The following SCAMP3 variants were observed in gnomAD, a reference collection of about 807,000 sequenced individuals.
SCAMP3 encodes the protein secretory carrier membrane protein 3, also known as secretory carrier-associated membrane protein 3.
In SCAMP3, 30 loss-of-function variants were observed where a neutral mutation model predicts 44.1. The ratio of observed to expected loss-of-function variants is 0.68; its 90% CI spans 0.51 to 0.92. The LOEUF (loss-of-function observed/expected upper bound fraction) is 0.92, where lower values mean the gene tolerates loss of function less well. SCAMP3 is among the 40% of genes least tolerant of loss of function. The pLI, the probability that SCAMP3 is intolerant of heterozygous loss-of-function variation, is 0.00. For missense variants in SCAMP3, 394 were observed against 440.0 expected, an observed-to-expected ratio of 0.90 and a Z score of 0.93; for synonymous variants, 168 against 171.1, an observed-to-expected ratio of 0.98 and a Z score of 0.14.
chr1:155,258,647 A>G, intron 5 of SCAMP3, 179 bp downstream of exon 5: 2 of 623,134 alleles, frequency 3.2e-6, no homozygotes, highest in Non-Finnish European at 5.6e-6. Context: ...AAAGACATCT[A>G]AAGAATTCAA....
intron 1 of SCAMP3, 24 bp downstream of exon 1, chr1:155,262,062 A>G (rs968723598): frequency 6.2e-7 from 1 of 1,612,034 alleles, no homozygotes; most frequent in Non-Finnish European, 8.5e-7. Flanking sequence ...GACCGCCCAA[A>G]AGAGGCCGAC....
chr1:155,261,742 C>T lies in SCAMP3; in HGVS notation c.67-8G>A, dbSNP rs752764721. The T allele has an allele frequency of 6.2e-7, 1 of 1,613,566 alleles. No homozygotes were observed. The highest frequency in any genetic ancestry group is 1.1e-5 in the South Asian group (1 of 91,082). On this transcript the variant is annotated splice_region_variant and splice_polypyrimidine_tract_variant and intron_variant, in intron 1 of 8. Transcript: ENST00000302631. ...CTGGATCACAGCTGGGTCCTGAGGG[C>T]AGAGACCCGGGTCTCAGCTGGCACC...
rs753519735 is a variant in SCAMP3 at position 155,261,618 on chromosome 1, C to A, written c.144+39G>T. The A allele has an allele frequency of 3.8e-6, 6 of 1,582,382 alleles. No homozygotes were observed. In the East Asian group the frequency reaches 1.1e-4, roughly 29 times the overall value. On this transcript the variant is annotated intron_variant, in intron 2 of 8. Transcript: ENST00000302631. ...AGCTAACTTGTCTCACTGGCAAACC[C>A]TTCCCTTCCTTGAACTCCTATGCTC...
At chr1:155,258,318 CTTTTTTT>C (rs71996352) in intron 5 of SCAMP3, among the ~76,000 whole-genome samples, 3 of 86,502 alleles carry the variant, frequency 3.5e-5, no homozygotes, top group Non-Finnish European at 7.7e-5. Context: ...CGTGCCCGGC[CTTTTTTT>C]TTTTTTTTTT....
rs1672937541 is a variant in SCAMP3 at position 155,260,738 on chromosome 1, C to T, written c.145-79G>A. On this transcript the variant is annotated intron_variant, in intron 2 of 8. Coordinates refer to ENST00000302631, the MANE Select transcript of SCAMP3 (RefSeq NM_005698.4). ...AGAGTCTGCTTGAATACCTTTAGAC[C>T]CAGAACTCATGATGTAAGGAAGCAG... 5.4e-6 allele frequency: 7 copies of T among 1,286,158 alleles called. No homozygotes were observed. The Admixed American group carries it at 9.7e-5, about 18-fold the overall frequency. The allele number at this position is 1,286,158 out of a possible 1,614,324, so 79.7% of individuals were successfully genotyped here.
intron 5 of SCAMP3, among the ~76,000 whole-genome samples, chr1:155,258,224 T>G (rs543428030): frequency 2.4e-4 from 37 of 151,618 alleles, no homozygotes; most frequent in Non-Finnish European, 4.4e-4. Context: ...TTTCACCGTG[T>G]TAGCCAGGAT....
Position 155,257,639 on chromosome 1 carries a change from A to T in SCAMP3, c.536T>A (p.Leu179His). The change falls in exon 6 of 9, where the codon CTC becomes CAC. Residue 179 changes from leucine to histidine, a missense_variant. Coordinates refer to ENST00000302631, the MANE Select transcript of SCAMP3 (RefSeq NM_005698.4). Reference sequence around the variant, plus strand: ...GGCCAGGCAGGCGAGGAAGTTCAGGAGAAGAGCCAGCGTGCTGCCTAAGGG... The same window carrying T: ...GGCCAGGCAGGCGAGGAAGTTCAGGTGAAGAGCCAGCGTGCTGCCTAAGGG... ...YLWMCSTLAL[L>H]LNFLACLASF... The T allele has an allele frequency of 6.4e-7, 1 of 1,563,464 alleles. No homozygotes were observed. The highest frequency in any genetic ancestry group is 8.7e-7 in the Non-Finnish European group (1 of 1,153,034).
At position 155,262,210 on chromosome 1, in the gene SCAMP3, G is replaced by GT; in HGVS notation, c.-60_-59insA. The stretch of plus-strand genomic sequence containing the variant: ...TCCACGCCCCTGCCGCAGCAGTGGC[G>GT]GTAGCGGTAGCCCTCAGAGTCCACT... On this transcript the variant is annotated 5_prime_UTR_variant, in exon 1 of 9. Coordinates refer to ENST00000302631, the MANE Select transcript of SCAMP3 (RefSeq NM_005698.4). 8 of 1,502,984 alleles carry GT rather than the reference G, an allele frequency of 5.3e-6. No individual in the cohort carries two copies. Among genetic ancestry groups the GT allele is most frequent in the East Asian group, 2.3e-5 (1 of 44,062 alleles). 93.1% of individuals were successfully genotyped at this position (1,502,984 alleles called of 1,614,324 possible).
intron 4 of SCAMP3, 38 bp downstream of exon 4, chr1:155,260,292 C>T: frequency 6.2e-7 from 1 of 1,603,778 alleles, no homozygotes; most frequent in East Asian, 2.2e-5. Flanking sequence ...TTTGCTCCTC[C>T]CAAACTCTCA....
chr1:155,261,881 T>A, intron 1 of SCAMP3, 147 bp from the exon 2 acceptor site: 1 of 835,980 alleles, frequency 1.2e-6, no homozygotes, highest in Non-Finnish European at 1.9e-6. Context: ...TTACCTCAAA[T>A]CCATCATCCA....
chr1:155,257,751 G>T, intron 5 of SCAMP3, 94 bp from the exon 6 acceptor site: 1 of 1,233,978 alleles, frequency 8.1e-7, no homozygotes, highest in Non-Finnish European at 1.1e-6. Context: ...ACCAAACATG[G>T]CAGAGTAAGG....
chr1:155,262,015 G>T, intron 1 of SCAMP3, 71 bp downstream of exon 1: 1 of 1,467,030 alleles, frequency 6.8e-7, no homozygotes, highest in Non-Finnish European at 9.5e-7. Flanking sequence ...GGGGATACAA[G>T]TTAGCCCGAC....
chr1:155,256,063 G>T lies in SCAMP3; in HGVS notation c.*210C>A. 2.3e-6 allele frequency: 1 copy of T among 432,054 alleles called. No homozygotes were observed. The highest frequency in any genetic ancestry group is 7.7e-5 in the South Asian group (1 of 13,060). The allele number at this position is 432,054 out of a possible 1,614,324, so 26.8% of individuals were successfully genotyped here. ...GCAGAGGGAAGCTGGGTTGGGGCGT[G>T]TGAGAGGTGGCAGCAGTGTGGCCTG... On this transcript the variant is annotated 3_prime_UTR_variant, in exon 9 of 9. Coordinates refer to ENST00000302631, the MANE Select transcript of SCAMP3 (RefSeq NM_005698.4).
At chr1:155,259,941 G>A (rs965468165) in intron 4 of SCAMP3, among the ~76,000 whole-genome samples, 3 of 151,502 alleles carry the variant, frequency 2.0e-5, no homozygotes, top group Non-Finnish European at 4.4e-5. Flanking sequence ...TCTGACTCCA[G>A]AGCCCAGGTT....
rs954727241 is a variant in SCAMP3, at chr1:155,256,246, G to C, written c.*27C>G. The C allele has an allele frequency of 1.6e-5, 24 of 1,526,834 alleles. No homozygotes were observed. The African/African-American group carries it at 2.8e-4, about 18-fold the overall frequency. The allele number at this position is 1,526,834 out of a possible 1,614,324, so 94.6% of individuals were successfully genotyped here. On this transcript the variant is annotated 3_prime_UTR_variant, in exon 9 of 9. Transcript: ENST00000302631. ...GGAGCTAAGTCAGCTCCCTCAAGTA[G>C]CAGGGCCAGGGCATCCCAGTCAGGG...
intron 4 of SCAMP3, among the ~76,000 whole-genome samples, chr1:155,259,166 CTTTTTTTT>C (rs1165041017): frequency 1.6e-5 from 2 of 121,686 alleles, no homozygotes; most frequent in South Asian, 5.2e-4. Context: ...CCCACCTCAG[CTTTTTTTT>C]TTTTTTTTTT....
intron 2 of SCAMP3, among the ~76,000 whole-genome samples, chr1:155,260,929 T>C (rs545571785): frequency 1.3e-5 from 2 of 152,084 alleles, no homozygotes; most frequent in Admixed American, 1.3e-4. Context: ...TTTTTTTTCT[T>C]TTCTTCTGGG....
Position 155,256,697 on chromosome 1 carries a change from G to T in SCAMP3, c.874C>A (p.Leu292Ile), listed in dbSNP as rs1672809290. 6.2e-7 allele frequency: 1 copy of T among 1,613,910 alleles called. No individual in the cohort carries two copies. The highest frequency in any genetic ancestry group is 8.5e-7 in the Non-Finnish European group (1 of 1,179,886). Reference protein sequence around the residue: ...VALLFTGIAVLGIVMLKRIHS... With the variant: ...VALLFTGIAVIGIVMLKRIHS... ...ACCCGTTTCAGCATGACAATTCCTA[G>T]CACAGCAATGCCAGTGAAGAGCAGG... is the stretch of plus-strand genomic sequence containing the variant. Residue 292 changes from leucine (L) to isoleucine (I), a missense_variant, in exon 8 of 9, where the codon CTA becomes ATA. Coordinates refer to ENST00000302631, the MANE Select transcript of SCAMP3 (RefSeq NM_005698.4).
In SCAMP3 at chr1:155,257,560, C is replaced by G; in HGVS notation, c.615G>C (p.Trp205Cys). The G allele has an allele frequency of 6.2e-7, 1 of 1,609,522 alleles. No homozygotes were observed. Among genetic ancestry groups the G allele is most frequent in the Non-Finnish European group, 8.5e-7 (1 of 1,177,572 alleles). Reference sequence around the variant, plus strand: ...AGGAGCAGGGAGTGAAAAGGAGGACCCAGAGGATAGAAAGCCCAAAGCCTG... The same window carrying G: ...AGGAGCAGGGAGTGAAAAGGAGGACGCAGAGGATAGAAAGCCCAAAGCCTG... ...NGAGFGLSIL[W>C]VLLFTPCSFV... The change falls in exon 6 of 9, where the codon TGG (tryptophan) becomes TGC (cysteine). Residue 205 changes from tryptophan (W) to cysteine (C), a missense_variant. By Grantham distance (215) the Trp-to-Cys change is radical. Coordinates refer to ENST00000302631, the MANE Select transcript of SCAMP3 (RefSeq NM_005698.4).
Sources: allele counts gnomAD v4.1 joint callset (sites outside exome capture counted in the v4.1 genomes callset), GRCh38; gene constraint gnomAD v4.1.1; transcripts MANE v1.5; gene names NCBI Gene and HGNC (gene_info 2026-07-23, HGNC 2026-07-21).